Variants in MEPCE observed in about 807,000 individuals in gnomAD.
MEPCE encodes the protein methylphosphate capping enzyme.
Under a neutral mutation model 52.3 loss-of-function variants are expected in MEPCE, and 9 were observed. The ratio of observed to expected loss-of-function variants is 0.17; its 90% CI spans 0.10 to 0.30. MEPCE has a LOEUF of 0.30. Ranked by LOEUF, MEPCE falls within the 10% of genes least tolerant of loss-of-function variation. The probability of loss-of-function intolerance (pLI) is 1.00; values close to 1 mark genes in which losing one functional copy is unlikely to be tolerated. For synonymous variants in MEPCE, 477 were observed against 401.6 expected (o/e 1.19, Z -2.25); for missense variants, 826 against 933.0 (o/e 0.89, Z 1.49).
In MEPCE at chr7:100,431,504, C is replaced by G. The variant is rs1430244677; in HGVS notation, c.1486C>G (p.Arg496Gly). Residue 496 changes from arginine (R) to glycine (G), a missense_variant, in exon 1 of 4, where the codon CGT becomes GGT. By Grantham distance (125) the Arg-to-Gly change is moderately radical. Coordinates refer to ENST00000310512, the MANE Select transcript of MEPCE (RefSeq NM_019606.6). ...NIRHYLSEELRLPPQTLEGDP... is the reference protein window; with the variant it reads ...NIRHYLSEELGLPPQTLEGDP... ...CCGACACTACCTTTCCGAGGAGCTG[C>G]GTCTCCCACCCCAGACTTTGGAAGG... is the stretch of plus-strand genomic sequence containing the variant. 1.9e-6 allele frequency: 3 copies of G among 1,613,374 alleles called. No homozygotes were observed. In the South Asian group the frequency reaches 3.3e-5, roughly 18 times the overall value.
rs201087259 is a variant in MEPCE at position 100,433,496 on chromosome 7, C to T, written c.2018-6C>T. ...AACCCCTTCTGATCACTCTCTCTCC[C>T]CTCAGGCTTCCAGCGTCCTGTGTAC... On this transcript the variant is annotated splice_polypyrimidine_tract_variant and splice_region_variant and intron_variant, in intron 3 of 3. Transcript: ENST00000310512. 2.5e-4 allele frequency: 407 copies of T among 1,614,052 alleles called. 2 individuals carry two copies. In the Middle Eastern group the frequency reaches 3.2e-3, roughly 13 times the overall value.
chr7:100,432,825 G>T, intron 1 of MEPCE, 94 bp from the exon 2 acceptor site: 1 of 1,138,008 alleles, frequency 8.8e-7, no homozygotes, highest in Non-Finnish European at 1.3e-6. Context: ...GCTAAAGTGA[G>T]GCCGCGGGAC....
chr7:100,431,040 G>C lies in MEPCE; in HGVS notation c.1022G>C (p.Gly341Ala). Residue 341 changes from glycine to alanine, a missense_variant, in exon 1 of 4, where the codon GGC (glycine) becomes GCC (alanine). Physicochemically the swap from Gly to Ala is moderately conservative, Grantham distance 60. Around this residue, in one of 7 missense-constraint regions of MEPCE, gnomAD observed 307 missense variants for 292.1 expected, o/e 1.05. Coordinates refer to ENST00000310512, the MANE Select transcript of MEPCE (RefSeq NM_019606.6). The part of the protein sequence containing the change: ...PLPSALQGPS[G>A]SLSAPPAASV... ...CCATCTGCTCTGCAGGGTCCCTCAG[G>C]CTCCCTATCAGCCCCTCCAGCTGCC... 2 of 1,613,842 alleles carry C rather than the reference G, an allele frequency of 1.2e-6. No individual in the cohort carries two copies. Among genetic ancestry groups the C allele is most frequent in the Non-Finnish European group, 1.7e-6 (2 of 1,180,016 alleles).
In MEPCE at chr7:100,431,535, C is replaced by T. The variant is rs138419294; in HGVS notation, c.1517C>T (p.Pro506Leu). ...RLPPQTLEGD[P>L]GAEGEEGTTT... The stretch of plus-strand genomic sequence containing the variant: ...CCACCCCAGACTTTGGAAGGGGACC[C>T]GGGGGCAGAGGGTGAGGAAGGGACC... Residue 506 changes from proline to leucine, a missense_variant, in exon 1 of 4, where the codon CCG (proline) becomes CTG (leucine). Physicochemically the swap from Pro to Leu is moderately conservative, Grantham distance 98. Transcript: ENST00000310512. 1.9e-6 allele frequency: 3 copies of T among 1,613,004 alleles called. No individual in the cohort carries two copies. Among genetic ancestry groups the T allele is most frequent in the African/African-American group, 1.3e-5 (1 of 75,044 alleles).
Position 100,430,127 on chromosome 7 carries a change from G to A in MEPCE, c.109G>A (p.Glu37Lys), listed in dbSNP as rs774871855. 123 of 1,268,484 alleles carry A rather than the reference G, an allele frequency of 9.7e-5. No individual in the cohort carries two copies. The highest frequency in any genetic ancestry group is 2.6e-4 in the Middle Eastern group (1 of 3,898). 78.6% of individuals were successfully genotyped at this position (1,268,484 alleles called of 1,614,324 possible). ...GGGPTVPPHQ[E>K]AASGELRGGT... is the part of the protein sequence containing the mutation. ...CGGCCCCACGGTGCCACCGCACCAA[G>A]AGGCCGCCTCTGGGGAGCTCCGCGG... is the stretch of plus-strand genomic sequence containing the variant. The change falls in exon 1 of 4, where the codon GAG becomes AAG. Residue 37 changes from glutamate (E) to lysine (K), a missense_variant. Coordinates refer to ENST00000310512, the MANE Select transcript of MEPCE (RefSeq NM_019606.6).
chr7:100,433,116 T>C lies in MEPCE; in HGVS notation c.1869T>C (p.Tyr623=), dbSNP rs760241955. 12 of 1,613,858 alleles carry C rather than the reference T, an allele frequency of 7.4e-6. No individual in the cohort carries two copies. The highest frequency in any genetic ancestry group is 6.7e-5 in the African/African-American group (5 of 74,944). ...TAGAGCCCCAACCCTGGTCGTCGTATGGCAAGAGAAAGACTCTTACAGTGA... is the reference window on the plus strand; with the variant it reads ...TAGAGCCCCAACCCTGGTCGTCGTACGGCAAGAGAAAGACTCTTACAGTGA... ...LVLEPQPWSS[Y]GKRKTLTETI... is the part of the protein sequence containing the mutation. The change falls in exon 2 of 4, where the codon TAT becomes TAC. Residue 623 remains tyrosine, a synonymous_variant. Coordinates refer to ENST00000310512, the MANE Select transcript of MEPCE (RefSeq NM_019606.6).
Position 100,431,660 on chromosome 7 carries a change from G to C in MEPCE, c.1642G>C (p.Val548Leu). ...GCCCTTGGATGGAGCGGACACATCA[G>C]TCTTCCCCAACAATGTTGTCTTCGT... ...QVPLDGADTS[V>L]FPNNVVFVTG... is the part of the protein sequence containing the mutation. Residue 548 changes from valine (V) to leucine (L), a missense_variant, in exon 1 of 4, where the codon GTC becomes CTC. Physicochemically the swap from Val to Leu is conservative, Grantham distance 32. This residue lies in a region of MEPCE where 107 missense variants were observed against 157.9 expected (regional missense o/e 0.68). Coordinates refer to ENST00000310512, the MANE Select transcript of MEPCE (RefSeq NM_019606.6). 6.3e-7 allele frequency: 1 copy of C among 1,599,540 alleles called. No homozygotes were observed. Among genetic ancestry groups the C allele is most frequent in the Non-Finnish European group, 8.5e-7 (1 of 1,177,682 alleles).
Position 100,430,151 on chromosome 7 carries a change from G to A in MEPCE, c.133G>A (p.Gly45Ser). ...AGAGGCCGCCTCTGGGGAGCTCCGC[G>A]GCGGGACGGAGCGTGGTCCGGGTCG... ...HQEAASGELR[G>S]GTERGPGRCA... The change falls in exon 1 of 4, where the codon GGC becomes AGC. Residue 45 changes from glycine to serine, a missense_variant. Transcript: ENST00000310512. The A allele has an allele frequency of 7.8e-7, 1 of 1,285,510 alleles. No individual in the cohort carries two copies. The highest frequency in any genetic ancestry group is 9.8e-7 in the Non-Finnish European group (1 of 1,017,722). The allele number at this position is 1,285,510 out of a possible 1,614,324, so 79.6% of individuals were successfully genotyped here.
Position 100,431,561 on chromosome 7 carries a change from A to G in MEPCE, c.1543A>G (p.Thr515Ala). ...DPGAEGEEGT[T>A]TVRKRSCFPA... ...GGGGGCAGAGGGTGAGGAAGGGACC[A>G]CCACCGTTCGAAAGAGGAGCTGCTT... Residue 515 changes from threonine to alanine, a missense_variant, in exon 1 of 4, where the codon ACC (threonine) becomes GCC (alanine). Thr to Ala is a moderately conservative substitution (Grantham distance 58). This residue lies in a region of MEPCE where 107 missense variants were observed against 157.9 expected (regional missense o/e 0.68). Transcript: ENST00000310512. 2 of 1,612,494 alleles carry G rather than the reference A, an allele frequency of 1.2e-6. No individual in the cohort carries two copies. Among genetic ancestry groups the G allele is most frequent in the South Asian group, 1.1e-5 (1 of 91,082 alleles).
At position 100,431,104 on chromosome 7, in the gene MEPCE, T is replaced by G; in HGVS notation, c.1086T>G (p.His362Gln). The G allele has an allele frequency of 6.2e-7, 1 of 1,613,682 alleles. No homozygotes were observed. The highest frequency in any genetic ancestry group is 1.3e-5 in the African/African-American group (1 of 75,014). Residue 362 changes from histidine to glutamine, a missense_variant, in exon 1 of 4, where the codon CAT becomes CAG. By Grantham distance (24) the His-to-Gln change is conservative. Coordinates refer to ENST00000310512, the MANE Select transcript of MEPCE (RefSeq NM_019606.6). ...CACCCCCATCTTCCTCCTCCCGACA[T>G]CGCAAACGTCGCAGGACTTCCAGCA... ...ISAPPSSSSR[H>Q]RKRRRTSSKS...
Position 100,431,707 on chromosome 7 carries a change from C to T in MEPCE, c.1671+18C>T, listed in dbSNP as rs1798711883. 2 of 1,557,444 alleles carry T rather than the reference C, an allele frequency of 1.3e-6. No individual in the cohort carries two copies. The highest frequency in any genetic ancestry group is 1.8e-5 in the Admixed American group (1 of 56,258). On this transcript the variant is annotated intron_variant, in intron 1 of 3. Transcript: ENST00000310512. Reference sequence around the variant, plus strand: ...TCGTCACGGTAAGAGGGTCCAGAGGCTCTTGGAATAGGGGCCAGGTGTGAA... The same window carrying T: ...TCGTCACGGTAAGAGGGTCCAGAGGTTCTTGGAATAGGGGCCAGGTGTGAA...
At position 100,433,547 on chromosome 7, in the gene MEPCE, G is replaced by A; in HGVS notation, c.2063G>A (p.Ser688Asn). ...CTGTTCCACAAGGCCCGATCCCCCAGCCACTAAGTGGCCCCCTAAACAGAA... is the reference window on the plus strand; with the variant it reads ...CTGTTCCACAAGGCCCGATCCCCCAACCACTAAGTGGCCCCCTAAACAGAA... ...VYLFHKARSP[S>N]H is the part of the protein sequence containing the mutation. The change falls in exon 4 of 4, where the codon AGC becomes AAC. Residue 688 changes from serine to asparagine, a missense_variant. This residue lies in a region of MEPCE where 82 missense variants were observed against 121.4 expected (regional missense o/e 0.68). Transcript: ENST00000310512. The A allele has an allele frequency of 3.7e-6, 6 of 1,612,738 alleles. No individual in the cohort carries two copies. Among genetic ancestry groups the A allele is most frequent in the Non-Finnish European group, 4.2e-6 (5 of 1,179,990 alleles).
chr7:100,431,833 C>G (rs1222922579), intron 1 of MEPCE, 144 bp downstream of exon 1: 14 of 763,084 alleles, frequency 1.8e-5, no homozygotes, highest in Non-Finnish European at 2.5e-5. Flanking sequence ...CGTCTCTCCC[C>G]TCTTATAACC....
chr7:100,429,959 G>T lies in MEPCE; in HGVS notation c.-60G>T, dbSNP rs1042807609. On this transcript the variant is annotated 5_prime_UTR_variant, in exon 1 of 4. Coordinates refer to ENST00000310512, the MANE Select transcript of MEPCE (RefSeq NM_019606.6). ...GGGGAAGGGAGCAGGGTCCAGGCAG[G>T]GGGGGTTAGGCCCCCTGATCCCCCT... is the stretch of plus-strand genomic sequence containing the variant. The T allele has an allele frequency of 2.1e-5, 25 of 1,167,524 alleles. No individual in the cohort carries two copies. The highest frequency in any genetic ancestry group is 4.2e-5 in the Admixed American group (1 of 23,632). 72.3% of individuals were successfully genotyped at this position (1,167,524 alleles called of 1,614,324 possible).
Position 100,430,752 on chromosome 7 carries a change from C to G in MEPCE, c.734C>G (p.Thr245Ser). 4 of 1,613,964 alleles carry G rather than the reference C, an allele frequency of 2.5e-6. No individual in the cohort carries two copies. The highest frequency in any genetic ancestry group is 1.1e-5 in the South Asian group (1 of 91,082). ...GACCCGCTCAGTCTCAATACTTGCA[C>G]TGATGAGGGCCATGTAGTTCTTGCT... ...ITDPLSLNTC[T>S]DEGHVVLASP... The change falls in exon 1 of 4, where the codon ACT becomes AGT. Residue 245 changes from threonine to serine, a missense_variant. Around this residue, in one of 7 missense-constraint regions of MEPCE, gnomAD observed 307 missense variants for 292.1 expected, o/e 1.05. Coordinates refer to ENST00000310512, the MANE Select transcript of MEPCE (RefSeq NM_019606.6).
chr7:100,433,026 C>T lies in MEPCE; in HGVS notation c.1779C>T (p.Asp593=), dbSNP rs138242134. The T allele has an allele frequency of 1.6e-5, 26 of 1,613,970 alleles. No homozygotes were observed. In the African/African-American group the frequency reaches 1.9e-4, roughly 12 times the overall value. ...AGTGGGTGCATCTGAACTGGGGAGA[C>T]GAGGGCCTGAAGCGCATGTTTCGCC... ...LTKWVHLNWG[D]EGLKRMFRRI... The change falls in exon 2 of 4, where the codon GAC becomes GAT. Residue 593 remains aspartate (D), a synonymous_variant. Coordinates refer to ENST00000310512, the MANE Select transcript of MEPCE (RefSeq NM_019606.6).
chr7:100,432,414 G>A (rs900919151), intron 1 of MEPCE, among the ~76,000 whole-genome samples: 2 of 152,162 alleles, frequency 1.3e-5, no homozygotes, highest in Non-Finnish European at 2.9e-5. Context: ...CTTTTTAGAG[G>A]GTTGTGATGA....
Position 100,433,396 on chromosome 7 carries a change from C to T in MEPCE, c.2017+7C>T, listed in dbSNP as rs774583981. ...CCCCACAACACCTCTAAAGGTAAGG[C>T]TGGTTTATTTTGTCAGGGAGGCTGG... On this transcript the variant is annotated splice_region_variant and intron_variant, in intron 3 of 3. Transcript: ENST00000310512. The T allele has an allele frequency of 6.2e-7, 1 of 1,614,166 alleles. No individual in the cohort carries two copies. The highest frequency in any genetic ancestry group is 1.7e-5 in the Admixed American group (1 of 60,018).
At chr7:100,429,689 G>C (rs1225408944), upstream of MEPCE, 1 of 272,100 alleles carries the variant, frequency 3.7e-6, no homozygotes, top group Non-Finnish European at 6.9e-6. Context: ...CAACCAGGGT[G>C]GTGGCGGAGT....
Sources: gnomAD v4.1 joint callset for allele counts (sites outside exome capture counted in the v4.1 genomes callset) on GRCh38, gnomAD v4.1.1 for gene constraint, gnomAD v4.1.1 regional missense constraint, MANE v1.5 for transcripts, NCBI Gene and HGNC (gene_info 2026-07-23, HGNC 2026-07-21) for gene names.